The following PARG variants were observed in gnomAD, a reference collection of about 807,000 sequenced individuals.
The protein encoded by PARG is mitochondrial poly(ADP-ribose) glycohydrolase.
PARG carries 35 observed loss-of-function variants against 113.0 expected under a neutral mutation model. The observed-to-expected ratio is 0.31, with a 90% CI of 0.24 to 0.41. PARG has a LOEUF of 0.41. Among genes scored for constraint, PARG ranks in the 10% least tolerant of loss-of-function variants. The pLI is 1.00. For synonymous variants in PARG, 330 were observed against 409.9 expected, an observed-to-expected ratio of 0.81 and a Z score of 2.36; for missense variants, 797 against 1,169.4, an observed-to-expected ratio of 0.68 and a Z score of 4.64.
chr10:49,840,066 C>T (rs1028898534), intron 15 of PARG, among the ~76,000 whole-genome samples: 7 of 152,166 alleles, frequency 4.6e-5, no homozygotes, highest in Non-Finnish European at 7.3e-5. Context: ...AATAGGCTTA[C>T]ATTTAAAATG....
chr10:49,830,602 A>C (rs1588869296), intron 16 of PARG, among the ~76,000 whole-genome samples: 1 of 152,202 alleles, frequency 6.6e-6, no homozygotes, highest in East Asian at 1.9e-4. Flanking sequence ...CCAGTGATAA[A>C]ATCAAACTAC....
At chr10:49,902,913 A>G (rs186306197) in intron 7 of PARG, among the ~76,000 whole-genome samples, 598 of 151,650 alleles carry the variant, frequency 3.9e-3, no homozygotes, top group East Asian at 0.014. Context: ...GCTCACTGCA[A>G]CCTCTGCCTC....
At chr10:49,861,300 T>C (rs1238592300) in intron 12 of PARG, among the ~76,000 whole-genome samples, 4 of 145,696 alleles carry the variant, frequency 2.7e-5, no homozygotes, top group Admixed American at 1.4e-4. Flanking sequence ...GTCAACCTAC[T>C]ATCAATGTCT....
chr10:49,928,092 G>A (rs531682231), intron 4 of PARG, among the ~76,000 whole-genome samples: 22 of 152,018 alleles, frequency 1.4e-4, no homozygotes, highest in Non-Finnish European at 2.4e-4. Flanking sequence ...CCAACATGGC[G>A]AAACCCCGTC....
rs941793941 is a variant in PARG at position 49,841,486 on chromosome 10, C to T, written c.2541+464G>A. On this transcript the variant is annotated intron_variant, in intron 15 of 17. Coordinates refer to ENST00000616448, the MANE Select transcript of PARG (RefSeq NM_003631.5). ...AAAAGAAAAAAATGAATATAGTAGG[C>T]GGCACTAAGTATTACGGAAAATAAT... 1.4e-4 allele frequency among the ~76,000 whole-genome samples: 22 copies of T among 152,070 alleles called. 1 individual carries two copies. Among genetic ancestry groups the T allele is most frequent in the South Asian group, 1.0e-3 (5 of 4,806 alleles).
chr10:49,933,892 T>C lies in PARG; in HGVS notation c.556A>G (p.Asn186Asp). ...TCATTTTGAGGTGACCGATCAATGT[T>C]AGCATTACTAAACTGCTCTGGTACC... ...TLVPEQFSNANIDRSPQNDDH... is the reference protein window; with the variant it reads ...TLVPEQFSNADIDRSPQNDDH... Residue 186 changes from asparagine (N) to aspartate (D), a missense_variant, in exon 3 of 18, where the codon AAC becomes GAC. Around this residue, in one of 5 missense-constraint regions of PARG, gnomAD observed 284 missense variants for 306.1 expected, o/e 0.93. Transcript: ENST00000616448. The C allele has an allele frequency of 1.9e-6, 3 of 1,600,044 alleles. No homozygotes were observed. The highest frequency in any genetic ancestry group is 2.6e-6 in the Non-Finnish European group (3 of 1,167,194).
chr10:49,835,568 A>G (rs1424462957), intron 15 of PARG, among the ~76,000 whole-genome samples: 4 of 152,090 alleles, frequency 2.6e-5, no homozygotes, highest in Non-Finnish European at 5.9e-5. Context: ...TGAAAATATT[A>G]GTACCTAGAG....
chr10:49,861,552 C>T, intron 12 of PARG, 36 bp downstream of exon 12: 1 of 878,620 alleles, frequency 1.1e-6, no homozygotes, highest in Non-Finnish European at 1.9e-6. Context: ...AAGAAAAAGT[C>T]CTAACCATAC....
chr10:49,859,517 T>A (rs1184746180), intron 12 of PARG, among the ~76,000 whole-genome samples: 1 of 151,980 alleles, frequency 6.6e-6, no homozygotes, highest in Non-Finnish European at 1.5e-5. Context: ...TGGACTGTAC[T>A]TGAGAACTAA....
chr10:49,904,854 T>A (rs1554844505), intron 7 of PARG, among the ~76,000 whole-genome samples: 4 of 151,970 alleles, frequency 2.6e-5, no homozygotes, highest in African/African-American at 9.7e-5. Context: ...AGGCGGAGGT[T>A]GCAGTGAGCC....
At position 49,941,526 on chromosome 10, in the gene PARG, C is replaced by A. The variant is rs1373759067; in HGVS notation, c.200G>T (p.Gly67Val). 3.2e-3 allele frequency: 5,005 copies of A among 1,555,038 alleles called. 11 individuals are homozygous for A. Among genetic ancestry groups the A allele is most frequent in the Non-Finnish European group, 4.1e-3 (4,753 of 1,149,184 alleles). ...CVPGRAGQHR[G>V]SATSLVFKQK... ...CCACGTACCAAGCGAGGTGGCGCTG[C>A]CTCTGTGCTGTCCCGCCCGCCCTGG... The change falls in exon 1 of 18, where the codon GGC (glycine) becomes GTC (valine). Residue 67 changes from glycine to valine, a missense_variant. Physicochemically the swap from Gly to Val is moderately radical, Grantham distance 109. Coordinates refer to ENST00000616448, the MANE Select transcript of PARG (RefSeq NM_003631.5).
chr10:49,825,714 C>T (rs1844319710), intron 16 of PARG, among the ~76,000 whole-genome samples: 2 of 152,250 alleles, frequency 1.3e-5, no homozygotes, highest in East Asian at 3.9e-4. Flanking sequence ...GGTTTATTGG[C>T]TGTCTATAAA....
chr10:49,852,454 A>G (rs1359555513), intron 13 of PARG, among the ~76,000 whole-genome samples: 1 of 151,544 alleles, frequency 6.6e-6, no homozygotes, highest in Non-Finnish European at 1.5e-5. Context: ...AAAAGAAAAT[A>G]TTCTTATGTT....
intron 9 of PARG, among the ~76,000 whole-genome samples, chr10:49,878,737 C>G (rs7899320): frequency 0.96 from 145,894 of 152,086 alleles, 70,293 homozygotes; most frequent in East Asian, 1. Context: ...ATCTCCTACT[C>G]TGCATACTGC....
intron 15 of PARG, among the ~76,000 whole-genome samples, chr10:49,833,684 C>T (rs1844778902): frequency 6.6e-6 from 1 of 152,206 alleles, no homozygotes; most frequent in Non-Finnish European, 1.5e-5. Flanking sequence ...TGATTTCCAC[C>T]TCTTTGCTGT....
intron 7 of PARG, among the ~76,000 whole-genome samples, chr10:49,894,649 T>G (rs572548184): frequency 6.6e-6 from 1 of 152,236 alleles, no homozygotes; most frequent in Non-Finnish European, 1.5e-5. Context: ...CCTTGTTGTA[T>G]TGCTTTGGCA....
intron 4 of PARG, among the ~76,000 whole-genome samples, chr10:49,927,382 GAAAGAAA>G (rs1564664919): frequency 1.2e-4 from 6 of 51,068 alleles, no homozygotes; most frequent in African/African-American, 2.2e-4. Context: ...AAGAAAGAAA[GAAAGAAA>G]GAAAGAAAGA....
chr10:49,891,629 T>A (rs1456782755), intron 7 of PARG, among the ~76,000 whole-genome samples: 145 of 90,214 alleles, frequency 1.6e-3, no homozygotes, highest in African/African-American at 3.6e-3. Flanking sequence ...ATATATTTTT[T>A]TTTTTTTTTT....
chr10:49,848,209 C>T (rs1168086265), intron 13 of PARG, among the ~76,000 whole-genome samples: 1 of 143,372 alleles, frequency 7.0e-6, no homozygotes, highest in Non-Finnish European at 1.5e-5. Flanking sequence ...ATTATCTGGG[C>T]GTGGTGGCGT....
Sources: gnomAD v4.1 joint callset for allele counts (sites outside exome capture counted in the v4.1 genomes callset) on GRCh38, gnomAD v4.1.1 for gene constraint, gnomAD v4.1.1 regional missense constraint, MANE v1.5 for transcripts, NCBI Gene and HGNC (gene_info 2026-07-23, HGNC 2026-07-21) for gene names.